ASPA: variants seen among roughly 807,000 people sequenced by gnomAD.
ASPA encodes ACY-2.
A neutral mutation model predicts 29.6 loss-of-function variants in ASPA; 25 were observed. The observed-to-expected ratio is 0.85, with a 90% CI of 0.62 to 1.18. The LOEUF (loss-of-function observed/expected upper bound fraction) is 1.18. Ranked by LOEUF, ASPA falls within the 50% of genes most tolerant of loss-of-function variation. The pLI is 0.00. For synonymous variants in ASPA, 131 were observed against 130.3 expected, an observed-to-expected ratio of 1.01 and a Z score of -0.04; for missense variants, 333 against 385.7, an observed-to-expected ratio of 0.86 and a Z score of 1.14.
At position 3,501,926 on chromosome 17, in the gene ASPA, C is replaced by T. The variant is rs1255161535; in HGVS notation, c.*2838C>T. 2 of 150,918 alleles carry T rather than the reference C, an allele frequency of 1.3e-5. No homozygotes were observed. The highest frequency in any genetic ancestry group is 2.9e-5 in the Non-Finnish European group (2 of 67,920). The allele number at this position is 150,918 out of a possible 1,614,324, so 9.3% of individuals were successfully genotyped here. ...CAAGACTGCGCCACTGCACTCCAGC[C>T]TGGTGGACACAGCAAGCCTCCATCT... On this transcript the variant is annotated 3_prime_UTR_variant, in exon 6 of 6. Coordinates refer to ENST00000263080, the MANE Select transcript of ASPA (RefSeq NM_000049.4).
At position 3,490,965 on chromosome 17, in the gene ASPA, T is replaced by C. The variant is rs1221111285; in HGVS notation, c.634+1623T>C. ...ATTGTCAACCACGATTAATTTAGAC[T>C]ATCCAGCTTGGTGGATTTTCAACTG... On this transcript the variant is annotated intron_variant, in intron 4 of 5. Transcript: ENST00000263080. The surrounding 1 kb of genome is among the most constrained non-coding windows in gnomAD (Gnocchi z 4.6). Among the ~76,000 whole-genome samples the C allele has an allele frequency of 6.6e-6, 1 of 152,220 alleles. No individual in the cohort carries two copies. Among genetic ancestry groups the C allele is most frequent in the Non-Finnish European group, 1.5e-5 (1 of 68,042 alleles).
chr17:3,491,073 T>C (rs894803557), intron 4 of ASPA, among the ~76,000 whole-genome samples: 2 of 152,174 alleles, frequency 1.3e-5, no homozygotes, highest in Non-Finnish European at 2.9e-5. Context: ...AGGGCTTCAT[T>C]CTTGACTCTG....
chr17:3,496,407 G>A (rs1413312052), intron 5 of ASPA, among the ~76,000 whole-genome samples: 1 of 152,292 alleles, frequency 6.6e-6, no homozygotes, highest in East Asian at 1.9e-4. Flanking sequence ...TAGACGGAGT[G>A]GTCACAAAGT....
chr17:3,482,021 CAATT>C lies in ASPA; in HGVS notation c.432+227_432+230del, dbSNP rs1301357490. On this transcript the variant is annotated intron_variant, in intron 2 of 5. Transcript: ENST00000263080. The stretch of plus-strand genomic sequence containing the variant: ...GAGGAAATAAGTAAAATAATAAACA[CAATT>C]AATAAAGTAATAAAACACTTGTGGA... 2.0e-5 allele frequency among the ~76,000 whole-genome samples: 3 copies of C among 151,962 alleles called. No homozygotes were observed. The East Asian group carries it at 5.8e-4, about 29-fold the overall frequency.
chr17:3,486,305 T>C (rs1038154483), intron 3 of ASPA, among the ~76,000 whole-genome samples: 3 of 152,206 alleles, frequency 2.0e-5, no homozygotes, highest in Non-Finnish European at 4.4e-5. Flanking sequence ...CATTCCTAAC[T>C]TCCAAGGCTG....
intron 3 of ASPA, among the ~76,000 whole-genome samples, chr17:3,484,203 T>C (rs993925344): frequency 6.6e-6 from 1 of 152,194 alleles, no homozygotes; most frequent in Non-Finnish European, 1.5e-5. Context: ...GAACTTTCCC[T>C]GACCCTCCTC....
chr17:3,479,309 A>G (rs1352329620), intron 1 of ASPA, among the ~76,000 whole-genome samples: 1 of 152,164 alleles, frequency 6.6e-6, no homozygotes, highest in Non-Finnish European at 1.5e-5. Context: ...TACTAGCACC[A>G]TTTACTCAAA....
intron 3 of ASPA, among the ~76,000 whole-genome samples, chr17:3,486,298 T>A (rs1034948877): frequency 6.6e-6 from 1 of 152,148 alleles, no homozygotes; most frequent in African/African-American, 2.4e-5. Context: ...AAGACCCCAT[T>A]CCTAACTTCC....
rs185249615 is a variant in ASPA at position 3,480,527 on chromosome 17, A to G, written c.237-1076A>G. 6.9e-3 allele frequency among the ~76,000 whole-genome samples: 1,050 copies of G among 152,258 alleles called. 12 individuals are homozygous for G. The highest frequency in any genetic ancestry group is 8.5e-3 in the Non-Finnish European group (581 of 68,016). ...TTATCCATCTGGGTGGTGCCAGCTG[A>G]TCTGTCAACTCAGGGTTTACAAAAT... On this transcript the variant is annotated intron_variant, in intron 1 of 5. Transcript: ENST00000263080.
At chr17:3,498,747 A>T in intron 5 of ASPA, 144 bp from the exon 6 acceptor site, 2 of 751,212 alleles carry the variant, frequency 2.7e-6, no homozygotes, top group East Asian at 2.9e-5. Flanking sequence ...CAGTCAGATC[A>T]CTTGCCTGCA....
chr17:3,480,925 GC>G (rs2073616338), intron 1 of ASPA, among the ~76,000 whole-genome samples: 2 of 152,180 alleles, frequency 1.3e-5, no homozygotes, highest in Admixed American at 1.3e-4. Flanking sequence ...TTCAAGACCA[GC>G]CTGGGCAACA....
rs73307204 is a variant in ASPA at position 3,478,713 on chromosome 17, C to T, written c.236+2318C>T. ...TGTTCAGAGACTAGACTGTTCCCAG[C>T]GTGGTTGAAAAATTATAAAATAGAT... On this transcript the variant is annotated intron_variant, in intron 1 of 5. Transcript: ENST00000263080. 5.3e-5 allele frequency among the ~76,000 whole-genome samples: 8 copies of T among 152,256 alleles called. No individual in the cohort carries two copies. The South Asian group carries it at 1.7e-3, about 32-fold the overall frequency.
At chr17:3,492,293 C>G (rs1380042934) in intron 4 of ASPA, among the ~76,000 whole-genome samples, 2 of 152,230 alleles carry the variant, frequency 1.3e-5, no homozygotes, top group Non-Finnish European at 2.9e-5. Context: ...GGAGAATACT[C>G]AAACATAGAT....
upstream of ASPA, chr17:3,475,603 A>AG (rs1175594633): frequency 6.4e-6 from 1 of 155,186 alleles, no homozygotes; most frequent in African/African-American, 2.4e-5. Flanking sequence ...GAGGTCTCTG[A>AG]GGGTCAGCCT....
At chr17:3,494,209 G>T (rs1199858447) in intron 4 of ASPA, 141 bp from the exon 5 acceptor site, 6 of 663,128 alleles carry the variant, frequency 9.0e-6, no homozygotes, top group Non-Finnish European at 1.7e-5. Flanking sequence ...TCACCATGTT[G>T]GCCAGGCTGT....
chr17:3,479,362 CAG>C (rs2073588201), intron 1 of ASPA, among the ~76,000 whole-genome samples: 1 of 152,164 alleles, frequency 6.6e-6, no homozygotes, highest in South Asian at 2.1e-4. Context: ...GGCGCGACCT[CAG>C]GGGGTTATTT....
intron 3 of ASPA, 111 bp downstream of exon 3, chr17:3,483,703 C>T: frequency 4.6e-6 from 5 of 1,087,808 alleles, no homozygotes; most frequent in Non-Finnish European, 6.8e-6. Context: ...TGCTCTGTCA[C>T]CCAGGCTGGA....
At chr17:3,497,449 A>G (rs2073928481) in intron 5 of ASPA, among the ~76,000 whole-genome samples, 1 of 152,222 alleles carries the variant, frequency 6.6e-6, no homozygotes, top group Admixed American at 6.5e-5. Flanking sequence ...TGCGGGTTAT[A>G]TGACTCCATG....
At position 3,494,336 on chromosome 17, in the gene ASPA, T is replaced by C. The variant is rs763998904; in HGVS notation, c.635-14T>C. 1.1e-5 allele frequency: 18 copies of C among 1,577,306 alleles called. No homozygotes were observed. The highest frequency in any genetic ancestry group is 8.3e-5 in the Admixed American group (5 of 59,940). On this transcript the variant is annotated splice_polypyrimidine_tract_variant and intron_variant, in intron 4 of 5. Coordinates refer to ENST00000263080, the MANE Select transcript of ASPA (RefSeq NM_000049.4). ...GTTTTTAGTTGCCATTGATACATATTGTTTTTGTCATAGGAAAAGAATTTC... is the reference window on the plus strand; with the variant it reads ...GTTTTTAGTTGCCATTGATACATATCGTTTTTGTCATAGGAAAAGAATTTC...
Sources: allele counts gnomAD v4.1 joint callset (sites outside exome capture counted in the v4.1 genomes callset), GRCh38; gene constraint gnomAD v4.1.1; non-coding constraint Gnocchi (gnomAD v3.1); transcripts MANE v1.5; gene names NCBI Gene and HGNC (gene_info 2026-07-23, HGNC 2026-07-21).